GEMIN5: variants seen among roughly 807,000 people sequenced by gnomAD.
The protein encoded by GEMIN5 is gem nuclear organelle associated protein 5, also known as gem-associated protein 5.
Under a neutral mutation model 176.9 loss-of-function variants are expected in GEMIN5, and 124 were observed. The ratio of observed to expected loss-of-function variants is 0.70; its 90% CI spans 0.61 to 0.81. The LOEUF is 0.81. Ranked by LOEUF, GEMIN5 falls within the 40% of genes least tolerant of loss-of-function variation. The pLI is 0.00. For synonymous variants in GEMIN5, 673 were observed against 665.2 expected (o/e 1.01, Z -0.18); for missense variants, 1,843 against 1,814.6 (o/e 1.02, Z -0.28).
chr5:154,914,381 A>G lies in GEMIN5; in HGVS notation c.1856-1343T>C, dbSNP rs775040468. ...ATAGATGAAAGGAGACTAAAGAGAC[A>G]TGACAACAAAATGCAAATAGGTGAT... On this transcript the variant is annotated intron_variant, in intron 13 of 27. Transcript: ENST00000285873. Among the ~76,000 whole-genome samples, 6 of 152,310 alleles carry G rather than the reference A, an allele frequency of 3.9e-5. No individual in the cohort carries two copies. In the East Asian group the frequency reaches 5.8e-4, roughly 15 times the overall value.
At chr5:154,889,904 T>A (rs1287472446) in intron 26 of GEMIN5, among the ~76,000 whole-genome samples, 1 of 152,246 alleles carries the variant, frequency 6.6e-6, no homozygotes, top group Non-Finnish European at 1.5e-5. Context: ...GTGTTTTGGG[T>A]ATTATGAATA....
At position 154,917,074 on chromosome 5, in the gene GEMIN5, C is replaced by A; in HGVS notation, c.1779G>T (p.Gln593His). 1 of 1,609,526 alleles carries A rather than the reference C, an allele frequency of 6.2e-7. No homozygotes were observed. Among genetic ancestry groups the A allele is most frequent in the South Asian group, 1.1e-5 (1 of 90,638 alleles). ...TISWHHEHGS[Q>H]PELSYLMASG... The stretch of plus-strand genomic sequence containing the variant: ...AGGCCATCAGATAGCTCAATTCTGG[C>A]TGGCTGCCATGCTCATGATGCCAGC... Residue 593 changes from glutamine (Q) to histidine (H), a missense_variant, in exon 13 of 28, where the codon CAG becomes CAT. Physicochemically the swap from Gln to His is conservative, Grantham distance 24. Coordinates refer to ENST00000285873, the MANE Select transcript of GEMIN5 (RefSeq NM_015465.5).
At chr5:154,935,002 GTTCT>G (rs1238972732) in intron 3 of GEMIN5, among the ~76,000 whole-genome samples, 1 of 152,106 alleles carries the variant, frequency 6.6e-6, no homozygotes, top group Non-Finnish European at 1.5e-5. Flanking sequence ...ATTCCCAGCT[GTTCT>G]TTCTTCTTGT....
Position 154,892,521 on chromosome 5 carries a change from G to T in GEMIN5, c.3626C>A (p.Thr1209Asn). 1 of 1,614,136 alleles carries T rather than the reference G, an allele frequency of 6.2e-7. No individual in the cohort carries two copies. The highest frequency in any genetic ancestry group is 8.5e-7 in the Non-Finnish European group (1 of 1,179,996). ...QLLLHICHDL[T>N]LAVLSQQMAS... ...CATCTGTTGGCTCAGCACTGCCAGG[G>T]TCAAGTCATGGCAAATGTGAAGCAG... The change falls in exon 25 of 28, where the codon ACC (threonine) becomes AAC (asparagine). Residue 1209 changes from threonine (T) to asparagine (N), a missense_variant. By Grantham distance (65) the Thr-to-Asn change is moderately conservative. Transcript: ENST00000285873.
chr5:154,919,185 G>C (rs1234782058), intron 11 of GEMIN5, among the ~76,000 whole-genome samples: 2 of 152,124 alleles, frequency 1.3e-5, no homozygotes, highest in African/African-American at 4.8e-5. Context: ...ACAAAAATTA[G>C]CTGGGCATGG....
In GEMIN5 at chr5:154,898,483, C is replaced by A. The variant is rs746102319; in HGVS notation, c.3302G>T (p.Trp1101Leu). The A allele has an allele frequency of 1.2e-6, 2 of 1,614,158 alleles. No homozygotes were observed. The highest frequency in any genetic ancestry group is 2.7e-5 in the African/African-American group (2 of 75,048). ...CTGCAGGGCTTCCTGGGCTCCCACC[C>A]AGTTGTTGGCCAGAAGCAGCTCTTG... Reference protein sequence around the residue: ...CAQELLLANNWVGAQEALQLH... With the variant: ...CAQELLLANNLVGAQEALQLH... Residue 1101 changes from tryptophan to leucine, a missense_variant, in exon 23 of 28, where the codon TGG (tryptophan) becomes TTG (leucine). Physicochemically the swap from Trp to Leu is moderately conservative, Grantham distance 61. Transcript: ENST00000285873.
In GEMIN5 at chr5:154,892,555, G is replaced by T. The variant is rs781045374; in HGVS notation, c.3598-6C>A. 5.6e-6 allele frequency: 9 copies of T among 1,612,946 alleles called. No homozygotes were observed. In the Middle Eastern group the frequency reaches 5.0e-4, roughly 89 times the overall value. On this transcript the variant is annotated splice_region_variant and splice_polypyrimidine_tract_variant and intron_variant, in intron 24 of 27. Transcript: ENST00000285873. ...TGGCAAATGTGAAGCAGGAGCTGGAGAGAGAAGCCAGAGTCTGAGTTAAAC... is the reference window on the plus strand; with the variant it reads ...TGGCAAATGTGAAGCAGGAGCTGGATAGAGAAGCCAGAGTCTGAGTTAAAC...
rs200100728 is a variant in GEMIN5, at chr5:154,916,044, G to GT, written c.1855+953dup. Among the ~76,000 whole-genome samples, 292 of 149,244 alleles carry GT rather than the reference G, an allele frequency of 2.0e-3. 3 individuals carry two copies. The highest frequency in any genetic ancestry group is 5.9e-3 in the African/African-American group (240 of 40,712). ...CATATAATGGAATGAACAGGTAACT[G>GT]TTTTTTTTTTAATTTTTATTTTTTG... On this transcript the variant is annotated intron_variant, in intron 13 of 27. Transcript: ENST00000285873.
chr5:154,889,950 A>G (rs893751126), intron 26 of GEMIN5, among the ~76,000 whole-genome samples: 2 of 152,174 alleles, frequency 1.3e-5, no homozygotes, highest in Non-Finnish European at 2.9e-5. Flanking sequence ...CATATTTCAG[A>G]CCCTGCTTTC....
intron 16 of GEMIN5, 89 bp downstream of exon 16, chr5:154,907,502 C>A (rs1394052515): frequency 8.0e-6 from 6 of 746,068 alleles, no homozygotes; most frequent in Non-Finnish European, 1.3e-5. Context: ...AAAATGGGAA[C>A]AGCGAAGTTT....
intron 12 of GEMIN5, 92 bp downstream of exon 12, chr5:154,917,839 G>A (rs1436951837): frequency 1.3e-5 from 11 of 834,198 alleles, no homozygotes; most frequent in Middle Eastern, 2.2e-4. Flanking sequence ...CAACTGGGCC[G>A]CCCCAGCTAA....
At chr5:154,888,899 C>G (rs1273641621) in intron 27 of GEMIN5, among the ~76,000 whole-genome samples, 1 of 150,814 alleles carries the variant, frequency 6.6e-6, no homozygotes, top group Non-Finnish European at 1.5e-5. Context: ...GCTCTGTTGC[C>G]CAGGCTGGAG....
intron 3 of GEMIN5, among the ~76,000 whole-genome samples, chr5:154,932,743 T>C (rs1187307169): frequency 6.6e-6 from 1 of 152,130 alleles, no homozygotes; most frequent in Non-Finnish European, 1.5e-5. Context: ...TTGTATTTTT[T>C]TGTAGAGATG....
intron 23 of GEMIN5, among the ~76,000 whole-genome samples, chr5:154,897,890 G>A (rs1561710929): frequency 6.6e-6 from 1 of 150,408 alleles, no homozygotes; most frequent in African/African-American, 2.4e-5. Flanking sequence ...CAAGGCCTGG[G>A]CTGACTAAGG....
At chr5:154,935,318 T>C (rs1029242769) in intron 3 of GEMIN5, among the ~76,000 whole-genome samples, 2 of 152,236 alleles carry the variant, frequency 1.3e-5, no homozygotes, top group African/African-American at 4.8e-5. Flanking sequence ...CTAGGGAAAT[T>C]GCTTAAGTCT....
At position 154,920,068 on chromosome 5, in the gene GEMIN5, T is replaced by A; in HGVS notation, c.1498A>T (p.Ser500Cys). Residue 500 changes from serine to cysteine, a missense_variant, in exon 11 of 28, where the codon AGC becomes TGC. Coordinates refer to ENST00000285873, the MANE Select transcript of GEMIN5 (RefSeq NM_015465.5). ...EGDRPSLALYSCGGEGIVLQH... is the reference protein window; with the variant it reads ...EGDRPSLALYCCGGEGIVLQH... Reference sequence around the variant, plus strand: ...AAGACAATCCCTTCTCCTCCACAGCTGTATAAAGCAAGGGAAGGTCTGTCT... The same window carrying A: ...AAGACAATCCCTTCTCCTCCACAGCAGTATAAAGCAAGGGAAGGTCTGTCT... 1 of 1,613,174 alleles carries A rather than the reference T, an allele frequency of 6.2e-7. No homozygotes were observed. Among genetic ancestry groups the A allele is most frequent in the Non-Finnish European group, 8.5e-7 (1 of 1,179,268 alleles).
intron 27 of GEMIN5, among the ~76,000 whole-genome samples, chr5:154,888,617 G>A (rs969207681): frequency 1.3e-5 from 2 of 152,092 alleles, no homozygotes; most frequent in Admixed American, 1.3e-4. Flanking sequence ...TCTTTCTACA[G>A]CCCTATGCAA....
Position 154,891,653 on chromosome 5 carries a change from G to A in GEMIN5, c.3850C>T (p.Arg1284Cys), listed in dbSNP as rs768763545. ...AGAGACCACCAGAATTCATACAGAC[G>A]CCCATAAAGAAAAAAGGCCTCCAAA... is the stretch of plus-strand genomic sequence containing the variant. ...KSLEAFFLYG[R>C]LYEFWWSLSR... The change falls in exon 26 of 28, where the codon CGT (arginine) becomes TGT (cysteine). Residue 1284 changes from arginine (R) to cysteine (C), a missense_variant. By Grantham distance (180) the Arg-to-Cys change is radical. Coordinates refer to ENST00000285873, the MANE Select transcript of GEMIN5 (RefSeq NM_015465.5). 9 of 1,613,420 alleles carry A rather than the reference G, an allele frequency of 5.6e-6. No individual in the cohort carries two copies. Among genetic ancestry groups the A allele is most frequent in the African/African-American group, 4.0e-5 (3 of 74,812 alleles).
At chr5:154,902,503 C>A (rs908549376) in intron 20 of GEMIN5, 36 bp downstream of exon 20, 2 of 1,608,078 alleles carry the variant, frequency 1.2e-6, no homozygotes, top group Admixed American at 3.3e-5. Flanking sequence ...GATGATAGAG[C>A]TTTTGTTGAA....
Sources: allele counts gnomAD v4.1 joint callset (sites outside exome capture counted in the v4.1 genomes callset), GRCh38; gene constraint gnomAD v4.1.1; transcripts MANE v1.5; gene names NCBI Gene and HGNC (gene_info 2026-07-23, HGNC 2026-07-21).